The following CHRM3 variants were observed in gnomAD, a reference collection of about 807,000 sequenced individuals.
CHRM3 encodes the protein muscarinic acetylcholine receptor M3.
In CHRM3, 11 loss-of-function variants were observed where a neutral mutation model predicts 41.8. The observed-to-expected ratio is 0.26, with a 90% CI of 0.17 to 0.44. The LOEUF (loss-of-function observed/expected upper bound fraction) is 0.44. Among genes scored for constraint, CHRM3 ranks in the 20% least tolerant of loss-of-function variants. The probability of loss-of-function intolerance (pLI) is 1.00; values close to 1 mark genes in which losing one functional copy is unlikely to be tolerated. For synonymous variants in CHRM3, 297 were observed against 301.4 expected, an observed-to-expected ratio of 0.99 and a Z score of 0.15; for missense variants, 571 against 745.4, an observed-to-expected ratio of 0.77 and a Z score of 2.72.
intron 5 of CHRM3, among the ~76,000 whole-genome samples, chr1:239,783,551 CAG>C (rs1004674435): frequency 6.6e-6 from 1 of 151,966 alleles, no homozygotes; most frequent in Non-Finnish European, 1.5e-5. Context: ...CCTAAAAGAA[CAG>C]AGAGAAGTGA....
chr1:239,446,094 A>C (rs536366809), intron 1 of CHRM3, among the ~76,000 whole-genome samples: 1 of 151,940 alleles, frequency 6.6e-6, no homozygotes, highest in East Asian at 1.9e-4. Context: ...GCACCACCAC[A>C]CCCGGCTAAT....
intron 4 of CHRM3, among the ~76,000 whole-genome samples, chr1:239,646,265 A>T (rs566597596): frequency 6.6e-6 from 1 of 152,348 alleles, no homozygotes; most frequent in East Asian, 1.9e-4. Context: ...GAGACAGACC[A>T]TTTAGCTGAT....
At chr1:239,671,578 A>T (rs545605399) in intron 4 of CHRM3, among the ~76,000 whole-genome samples, 1 of 152,120 alleles carries the variant, frequency 6.6e-6, no homozygotes, top group East Asian at 1.9e-4. Context: ...TGTCAAAAAG[A>T]AAAAAAAGGC....
At chr1:239,857,691 G>A (rs1052353092) in intron 6 of CHRM3, among the ~76,000 whole-genome samples, 2 of 152,112 alleles carry the variant, frequency 1.3e-5, no homozygotes, top group African/African-American at 4.8e-5. Context: ...ATATCACTCG[G>A]TGTCTTTGTT....
intron 1 of CHRM3, among the ~76,000 whole-genome samples, chr1:239,437,126 C>A (rs1663334453): frequency 6.6e-6 from 1 of 151,902 alleles, no homozygotes; most frequent in South Asian, 2.1e-4. Context: ...TTGTTTATTC[C>A]TTTTAAGACA....
At chr1:239,818,496 G>A (rs1196293114) in intron 5 of CHRM3, among the ~76,000 whole-genome samples, 1 of 152,138 alleles carries the variant, frequency 6.6e-6, no homozygotes, top group Admixed American at 6.5e-5. Context: ...ATATGGATGC[G>A]TCTGCCTCAT....
intron 3 of CHRM3, among the ~76,000 whole-genome samples, chr1:239,582,814 G>A (rs1157535396): frequency 6.6e-6 from 1 of 152,068 alleles, no homozygotes; most frequent in African/African-American, 2.4e-5. Flanking sequence ...AAATCACATG[G>A]GATCGAGCCG....
At chr1:239,587,672 A>G (rs1663569656) in intron 3 of CHRM3, among the ~76,000 whole-genome samples, 1 of 152,178 alleles carries the variant, frequency 6.6e-6, no homozygotes, top group African/African-American at 2.4e-5. Flanking sequence ...TCTGTCCCAT[A>G]CTTCTAACTT....
intron 1 of CHRM3, among the ~76,000 whole-genome samples, chr1:239,419,362 CT>C (rs55633677): frequency 0.082 from 11,128 of 136,442 alleles, 772 homozygotes; most frequent in African/African-American, 0.2. Flanking sequence ...CCGACCCAGC[CT>C]TTTTTTTTTT....
intron 6 of CHRM3, among the ~76,000 whole-genome samples, chr1:239,895,406 C>T (rs185218273): frequency 3.2e-4 from 49 of 152,200 alleles, no homozygotes; most frequent in African/African-American, 1.1e-3. Flanking sequence ...GACACAACCT[C>T]CATTCCTGCC....
chr1:239,768,261 C>T (rs992080232), intron 5 of CHRM3, among the ~76,000 whole-genome samples: 1 of 152,078 alleles, frequency 6.6e-6, no homozygotes, highest in Non-Finnish European at 1.5e-5. Flanking sequence ...TTAGGATTAG[C>T]GTTCACTTCA....
At chr1:239,784,685 A>G (rs991354738) in intron 5 of CHRM3, among the ~76,000 whole-genome samples, 2 of 152,122 alleles carry the variant, frequency 1.3e-5, no homozygotes, top group African/African-American at 4.8e-5. Flanking sequence ...TTTTGATTTT[A>G]CCTTTATTTA....
At chr1:239,878,199 T>C (rs1677281738) in intron 6 of CHRM3, among the ~76,000 whole-genome samples, 1 of 151,990 alleles carries the variant, frequency 6.6e-6, no homozygotes, top group South Asian at 2.1e-4. Context: ...ATGAAATAAT[T>C]ATACAATTCA....
intron 2 of CHRM3, among the ~76,000 whole-genome samples, chr1:239,510,478 C>T (rs552967026): frequency 1.3e-5 from 2 of 152,192 alleles, no homozygotes; most frequent in African/African-American, 4.8e-5. Flanking sequence ...TGGGGAGAAC[C>T]TCTATCTTTA....
chr1:239,789,441 T>C (rs1669169748), intron 5 of CHRM3, among the ~76,000 whole-genome samples: 1 of 152,098 alleles, frequency 6.6e-6, no homozygotes, highest in Admixed American at 6.5e-5. Flanking sequence ...TGAGACTGGG[T>C]AATGTATAAA....
chr1:239,883,060 G>T (rs959133092), intron 6 of CHRM3, among the ~76,000 whole-genome samples: 1 of 152,162 alleles, frequency 6.6e-6, no homozygotes, highest in Non-Finnish European at 1.5e-5. Context: ...TATAGTTCAG[G>T]AGAATTTTCT....
intron 6 of CHRM3, among the ~76,000 whole-genome samples, chr1:239,862,497 T>G: frequency 6.6e-6 from 1 of 152,148 alleles, no homozygotes; most frequent in Admixed American, 6.5e-5. Flanking sequence ...AAATTTCTTC[T>G]TTGCCAAGTC....
chr1:239,911,173 A>G lies in CHRM3; in HGVS notation c.*1949A>G, dbSNP rs1237204253. On this transcript the variant is annotated 3_prime_UTR_variant, in exon 7 of 7. Transcript: ENST00000676153. ...AAAGTCAACGGTCACTTCAACGTAAATGTTTAAAACCACTCTTTAGTTAAA... is the reference window on the plus strand; with the variant it reads ...AAAGTCAACGGTCACTTCAACGTAAGTGTTTAAAACCACTCTTTAGTTAAA... The G allele has an allele frequency of 6.0e-6, 1 of 167,022 alleles. No individual in the cohort carries two copies. The highest frequency in any genetic ancestry group is 2.4e-5 in the African/African-American group (1 of 41,426). 10.3% of individuals were successfully genotyped at this position (167,022 alleles called of 1,614,324 possible). A position where few individuals can be genotyped will look rare whatever the true frequency, so the allele number is the denominator to read the frequency against.
At chr1:239,399,344 T>C (rs546088932) in intron 1 of CHRM3, among the ~76,000 whole-genome samples, 5,458 of 152,110 alleles carry the variant, frequency 0.036, 142 homozygotes, top group Non-Finnish European at 0.057. Context: ...ATTTTTTTTT[T>C]TTTTTTTGCT....
Sources: gnomAD v4.1 joint callset for allele counts (sites outside exome capture counted in the v4.1 genomes callset) on GRCh38, gnomAD v4.1.1 for gene constraint, MANE v1.5 for transcripts, NCBI Gene and HGNC (gene_info 2026-07-23, HGNC 2026-07-21) for gene names.